The following KCNH5 variants were observed in gnomAD, a reference collection of about 807,000 sequenced individuals.
KCNH5 encodes the protein voltage-gated delayed rectifier potassium channel KCNH5.
Under a neutral mutation model 96.1 loss-of-function variants are expected in KCNH5, and 46 were observed. That is an observed-to-expected ratio of 0.48 (90% CI 0.38 to 0.61). The LOEUF is 0.61. KCNH5 is among the 20% of genes least tolerant of loss of function. The probability of loss-of-function intolerance (pLI) is 0.00; values close to 1 mark genes in which losing one functional copy is unlikely to be tolerated. For synonymous variants in KCNH5, 439 were observed against 449.8 expected, an observed-to-expected ratio of 0.98 and a Z score of 0.30; for missense variants, 907 against 1,225.8, an observed-to-expected ratio of 0.74 and a Z score of 3.88.
intron 8 of KCNH5, among the ~76,000 whole-genome samples, chr14:62,844,131 A>G (rs1315207995): frequency 6.6e-6 from 1 of 152,192 alleles, no homozygotes; most frequent in Non-Finnish European, 1.5e-5. Flanking sequence ...GGGACATTTC[A>G]TATAATAGCA....
At chr14:62,743,313 T>C (rs148943039) in intron 10 of KCNH5, among the ~76,000 whole-genome samples, 69 of 152,308 alleles carry the variant, frequency 4.5e-4, no homozygotes, top group African/African-American at 1.6e-3. Flanking sequence ...CCCTGGGTAA[T>C]TCTAATGTGC....
At chr14:63,003,507 ATATATATTTTATATAT>A (rs1891055317) in intron 3 of KCNH5, among the ~76,000 whole-genome samples, 1 of 116,202 alleles carries the variant, frequency 8.6e-6, no homozygotes, top group African/African-American at 3.7e-5. Context: ...TATATATTTT[ATATATATTTTATATAT>A]TTTATATATA....
At chr14:62,774,859 ACT>A (rs1368095512) in intron 10 of KCNH5, among the ~76,000 whole-genome samples, 1 of 152,096 alleles carries the variant, frequency 6.6e-6, no homozygotes, top group East Asian at 1.9e-4. Flanking sequence ...TTAGCTTCTG[ACT>A]CTCACACATG....
intron 10 of KCNH5, chr14:62,712,639 G>A: frequency 1.3e-6 from 1 of 771,304 alleles, no homozygotes. Context: ...TAGATGAATG[G>A]GTGAAGTAGG....
chr14:63,016,161 C>G (rs903926845), intron 2 of KCNH5, among the ~76,000 whole-genome samples: 1 of 151,656 alleles, frequency 6.6e-6, no homozygotes, highest in African/African-American at 2.4e-5. Context: ...GAAAAAACAT[C>G]CCATCTGGCC....
chr14:63,042,222 G>A (rs765097107), intron 1 of KCNH5, among the ~76,000 whole-genome samples: 2 of 151,974 alleles, frequency 1.3e-5, no homozygotes, highest in Non-Finnish European at 2.9e-5. Context: ...GTGCAAGACA[G>A]AGAAAAAGAG....
At chr14:62,864,830 A>G (rs978079768) in intron 7 of KCNH5, among the ~76,000 whole-genome samples, 2 of 152,154 alleles carry the variant, frequency 1.3e-5, no homozygotes, top group African/African-American at 2.4e-5. Flanking sequence ...TTTGTTCATT[A>G]AAAATCTATG....
At chr14:62,991,909 T>G (rs1210444435) in intron 4 of KCNH5, among the ~76,000 whole-genome samples, 2 of 152,022 alleles carry the variant, frequency 1.3e-5, no homozygotes, top group African/African-American at 4.8e-5. Flanking sequence ...GGTCAGGGCT[T>G]TTAGGGTAAC....
chr14:62,798,588 A>G (rs1270705023), intron 9 of KCNH5, among the ~76,000 whole-genome samples: 1 of 152,236 alleles, frequency 6.6e-6, no homozygotes, highest in Non-Finnish European at 1.5e-5. Context: ...AGGTGTAGGA[A>G]CTGAAAGAAC....
At chr14:62,960,008 A>G (rs1890177011) in intron 6 of KCNH5, among the ~76,000 whole-genome samples, 1 of 152,162 alleles carries the variant, frequency 6.6e-6, no homozygotes, top group African/African-American at 2.4e-5. Flanking sequence ...TGTTTTGTTT[A>G]TACAGCCTTG....
At chr14:62,880,741 C>A (rs1175089145) in intron 7 of KCNH5, among the ~76,000 whole-genome samples, 1 of 152,198 alleles carries the variant, frequency 6.6e-6, no homozygotes. Context: ...GCAAATTAAT[C>A]ACCATGCTCA....
chr14:62,838,316 T>C (rs17100424), intron 8 of KCNH5, among the ~76,000 whole-genome samples: 6,445 of 152,236 alleles, frequency 0.042, 275 homozygotes, highest in African/African-American at 0.11. Context: ...GCACTACCTC[T>C]GATTCATACT....
intron 9 of KCNH5, among the ~76,000 whole-genome samples, chr14:62,794,707 A>T (rs1426734231): frequency 6.6e-6 from 1 of 152,084 alleles, no homozygotes; most frequent in Non-Finnish European, 1.5e-5. Context: ...GGAATATTAA[A>T]ATCAAAAGGT....
chr14:62,742,939 C>T (rs368678714), intron 10 of KCNH5, among the ~76,000 whole-genome samples: 3 of 152,282 alleles, frequency 2.0e-5, no homozygotes, highest in African/African-American at 7.2e-5. Context: ...TTCATGTACA[C>T]AGCAGTTGGA....
chr14:62,735,411 C>T (rs1442710813), intron 10 of KCNH5, among the ~76,000 whole-genome samples: 2 of 152,154 alleles, frequency 1.3e-5, no homozygotes, highest in Non-Finnish European at 2.9e-5. Context: ...TTGAACTGAA[C>T]ATATGGATTA....
intron 10 of KCNH5, among the ~76,000 whole-genome samples, chr14:62,725,893 C>A (rs193289430): frequency 6.6e-6 from 1 of 152,038 alleles, no homozygotes; most frequent in Middle Eastern, 3.2e-3. Context: ...TTATACTGCC[C>A]CATATTTTAC....
At chr14:62,951,447 C>T (rs1890003352) in intron 6 of KCNH5, among the ~76,000 whole-genome samples, 1 of 152,262 alleles carries the variant, frequency 6.6e-6, no homozygotes, top group East Asian at 1.9e-4. Context: ...GAAAATGGAG[C>T]AGTGATCCAG....
chr14:62,891,912 C>T (rs1482423560), intron 7 of KCNH5, among the ~76,000 whole-genome samples: 1 of 152,200 alleles, frequency 6.6e-6, no homozygotes, highest in Admixed American at 6.5e-5. Context: ...GTTTTGAATG[C>T]TCCATCAGCC....
rs1555351576 is a variant in KCNH5, at chr14:62,700,760, TC to T, written c.*6747del. 1 of 152,162 alleles carries T rather than the reference TC, an allele frequency of 6.6e-6. No individual in the cohort carries two copies. Among genetic ancestry groups the T allele is most frequent in the Non-Finnish European group, 1.5e-5 (1 of 68,018 alleles). The allele number at this position is 152,162 out of a possible 1,614,324, so 9.4% of individuals were successfully genotyped here. A position where few individuals can be genotyped will look rare whatever the true frequency, so the allele number is the denominator to read the frequency against. On this transcript the variant is annotated 3_prime_UTR_variant, in exon 11 of 11. Transcript: ENST00000322893. ...CTTCCTGTTTGCAGTCTTGGCTTCA[TC>T]AGGAATCTTTCCCGCTATAATTTGG...
Sources: gnomAD v4.1 joint callset for allele counts (sites outside exome capture counted in the v4.1 genomes callset) on GRCh38, gnomAD v4.1.1 for gene constraint, MANE v1.5 for transcripts, NCBI Gene and HGNC (gene_info 2026-07-23, HGNC 2026-07-21) for gene names.